The following SLC8A1 variants were observed in gnomAD, a reference collection of about 807,000 sequenced individuals.
SLC8A1 encodes the protein solute carrier family 8 member A1.
In SLC8A1, 18 loss-of-function variants were observed where a neutral mutation model predicts 68.3. That is an observed-to-expected ratio of 0.26 (90% confidence interval 0.18 to 0.39). The LOEUF is 0.39. Ranked by LOEUF, SLC8A1 falls within the 10% of genes least tolerant of loss-of-function variation. The pLI, the probability that SLC8A1 is intolerant of heterozygous loss-of-function variation, is 1.00. For synonymous variants in SLC8A1, 475 were observed against 415.5 expected, an observed-to-expected ratio of 1.14 and a Z score of -1.74; for missense variants, 985 against 1,156.7, an observed-to-expected ratio of 0.85 and a Z score of 2.15.
At chr2:40,443,299 A>G (rs1700851269) in intron 1 of SLC8A1, among the ~76,000 whole-genome samples, 1 of 152,200 alleles carries the variant, frequency 6.6e-6, no homozygotes, top group Non-Finnish European at 1.5e-5. Flanking sequence ...TAACTCGAAT[A>G]AATGGCTATG....
exon 5 of SLC8A1, chr2:40,164,953 G>A: frequency 6.2e-7 from 1 of 1,613,900 alleles, no homozygotes; most frequent in Non-Finnish European, 8.5e-7. Flanking sequence ...CTTCCTCTTT[G>A]CTGGTCAGTG....
At chr2:40,291,923 C>A (rs1032093279) in intron 2 of SLC8A1, among the ~76,000 whole-genome samples, 12 of 143,236 alleles carry the variant, frequency 8.4e-5, no homozygotes, top group African/African-American at 2.4e-4. Context: ...TTTTTTTTAA[C>A]ACCACGAGCT....
chr2:40,255,684 G>C (rs1254593949), intron 2 of SLC8A1, among the ~76,000 whole-genome samples: 1 of 152,166 alleles, frequency 6.6e-6, no homozygotes, highest in Non-Finnish European at 1.5e-5. Context: ...AGAATTAAGA[G>C]AATAATGAAA....
rs931953670 is a variant in SLC8A1 at position 40,414,155 on chromosome 2, G to A, written c.1808+14318C>T. 3.3e-5 allele frequency among the ~76,000 whole-genome samples: 5 copies of A among 152,260 alleles called. No individual in the cohort carries two copies. In the East Asian group the frequency reaches 9.7e-4, roughly 29 times the overall value. The stretch of plus-strand genomic sequence containing the variant: ...TTTATGAAATGAAACATGAATCAAA[G>A]TCATTACAGAGCTAATGAGTGAAAT... On this transcript the variant is annotated intron_variant, in intron 2 of 7. Transcript: ENST00000406785.
intron 6 of SLC8A1, among the ~76,000 whole-genome samples, chr2:40,147,469 C>G (rs1437748719): frequency 6.6e-6 from 1 of 152,146 alleles, no homozygotes; most frequent in Non-Finnish European, 1.5e-5. Context: ...AAGGCTTTGT[C>G]AAGTAGAATT....
At chr2:40,479,568 T>C (rs1336354083) in intron 1 of SLC8A1, among the ~76,000 whole-genome samples, 2 of 152,132 alleles carry the variant, frequency 1.3e-5, no homozygotes, top group Admixed American at 1.3e-4. Context: ...ATTCTATAGA[T>C]GAGGAAACAC....
intron 2 of SLC8A1, among the ~76,000 whole-genome samples, chr2:40,417,277 A>G (rs1344791773): frequency 6.6e-6 from 1 of 152,092 alleles, no homozygotes; most frequent in African/African-American, 2.4e-5. Flanking sequence ...GGTAATATGC[A>G]TAGTACCAAA....
At position 40,145,980 on chromosome 2, in the gene SLC8A1, A is replaced by G. The variant is rs558771532; in HGVS notation, c.2162-6304T>C. Among the ~76,000 whole-genome samples the G allele has an allele frequency of 2.0e-5, 3 of 151,898 alleles. No homozygotes were observed. In the East Asian group the frequency reaches 5.8e-4, roughly 29 times the overall value. The stretch of plus-strand genomic sequence containing the variant: ...AAGAGTTGATCTCTCTTTTTTTTGT[A>G]TTTTGGAGATGTGCAATAAACATTT... On this transcript the variant is annotated intron_variant, in intron 6 of 7. Transcript: ENST00000406785.
intron 2 of SLC8A1, among the ~76,000 whole-genome samples, chr2:40,374,226 A>G (rs1043381315): frequency 1.2e-4 from 19 of 152,184 alleles, no homozygotes; most frequent in Non-Finnish European, 1.0e-4. Flanking sequence ...AAAAGATGGA[A>G]TAAGGCCAGG....
intron 2 of SLC8A1, among the ~76,000 whole-genome samples, chr2:40,415,006 A>G (rs1423248549): frequency 6.6e-6 from 1 of 152,214 alleles, no homozygotes; most frequent in Non-Finnish European, 1.5e-5. Context: ...TACATGGCTC[A>G]GAAATTTGTT....
chr2:40,352,985 G>A (rs1386225971), intron 2 of SLC8A1, among the ~76,000 whole-genome samples: 3 of 152,032 alleles, frequency 2.0e-5, no homozygotes, highest in African/African-American at 7.2e-5. Flanking sequence ...ACTTACGGAA[G>A]GTCCACACCC....
intron 2 of SLC8A1, among the ~76,000 whole-genome samples, chr2:40,216,776 T>C (rs1228625807): frequency 6.6e-6 from 1 of 152,206 alleles, no homozygotes; most frequent in East Asian, 1.9e-4. Context: ...TCTTTTCATA[T>C]TTTTGTTGGC....
chr2:40,165,063 C>G, intron 4 of SLC8A1, 79 bp from the exon 8 acceptor site: 3 of 1,583,408 alleles, frequency 1.9e-6, no homozygotes, highest in Non-Finnish European at 2.6e-6. Context: ...ATAAGAAAGC[C>G]AAGGAGGAAG....
At chr2:40,242,557 G>A (rs1029594438) in intron 2 of SLC8A1, among the ~76,000 whole-genome samples, 2 of 152,158 alleles carry the variant, frequency 1.3e-5, no homozygotes, top group Non-Finnish European at 2.9e-5. Context: ...CCTTTGTGAA[G>A]CTCTACAGGG....
intron 2 of SLC8A1, among the ~76,000 whole-genome samples, chr2:40,363,473 G>C (rs1257377084): frequency 6.6e-6 from 1 of 152,046 alleles, no homozygotes; most frequent in African/African-American, 2.4e-5. Context: ...CACTTGTGAA[G>C]ATTAGAGATG....
chr2:40,139,670 T>C, exon 7 of SLC8A1: 1 of 1,613,628 alleles, frequency 6.2e-7, no homozygotes, highest in Non-Finnish European at 8.5e-7. Context: ...GTCGTCATCA[T>C]CTTCCCCTAG....
intron 6 of SLC8A1, among the ~76,000 whole-genome samples, chr2:40,158,744 G>A (rs1281194158): frequency 1.3e-5 from 2 of 152,110 alleles, no homozygotes; most frequent in Non-Finnish European, 2.9e-5. Flanking sequence ...TCTAAGGTCT[G>A]TTCTAAAGAC....
At position 40,262,406 on chromosome 2, in the gene SLC8A1, A is replaced by G. The variant is rs537438442; in HGVS notation, c.1809-84551T>C. ...GTATAGATTTTTATGAGGCTTTATC[A>G]TAACTAAACCCAGTGGTGGACTGAA... On this transcript the variant is annotated intron_variant, in intron 2 of 7. Coordinates refer to ENST00000406785, the Ensembl canonical transcript of SLC8A1. Among the ~76,000 whole-genome samples, 4 of 152,340 alleles carry G rather than the reference A, an allele frequency of 2.6e-5. No individual in the cohort carries two copies. The East Asian group carries it at 7.7e-4, about 29-fold the overall frequency.
chr2:40,240,930 A>G (rs2061137726), intron 2 of SLC8A1, among the ~76,000 whole-genome samples: 2 of 152,206 alleles, frequency 1.3e-5, no homozygotes, highest in Non-Finnish European at 2.9e-5. Flanking sequence ...AGAGACAATA[A>G]ATTTCTTCCG....
Sources: gnomAD v4.1 joint callset for allele counts (sites outside exome capture counted in the v4.1 genomes callset) on GRCh38, gnomAD v4.1.1 for gene constraint, MANE v1.5 for transcripts, NCBI Gene and HGNC (gene_info 2026-07-23, HGNC 2026-07-21) for gene names.